The following PCCA variants were observed in gnomAD, a reference collection of about 807,000 sequenced individuals.
PCCA encodes the protein propionyl-CoA carboxylase subunit alpha.
PCCA carries 74 observed loss-of-function variants against 101.3 expected under a neutral mutation model. The observed-to-expected ratio is 0.73, with a 90% CI of 0.61 to 0.89. PCCA has a LOEUF of 0.89. Ranked by LOEUF, PCCA falls within the 40% of genes least tolerant of loss-of-function variation. The pLI, the probability that PCCA is intolerant of heterozygous loss-of-function variation, is 0.00. For missense variants in PCCA, 891 were observed against 907.0 expected, an observed-to-expected ratio of 0.98 and a Z score of 0.23; for synonymous variants, 294 against 313.6, an observed-to-expected ratio of 0.94 and a Z score of 0.66.
chr13:100,298,954 G>A (rs2065849851), intron 12 of PCCA, among the ~76,000 whole-genome samples: 1 of 151,648 alleles, frequency 6.6e-6, no homozygotes, highest in African/African-American at 2.4e-5. Flanking sequence ...GGAATCCTAT[G>A]TATTTAGAAG....
intron 7 of PCCA, among the ~76,000 whole-genome samples, chr13:100,209,823 G>A (rs894396752): frequency 9.2e-5 from 14 of 152,060 alleles, no homozygotes; most frequent in African/African-American, 3.4e-4. Flanking sequence ...GTAGAGACAG[G>A]GTTTCACCAT....
chr13:100,254,700 G>C (rs2061967084), intron 8 of PCCA, among the ~76,000 whole-genome samples: 1 of 152,148 alleles, frequency 6.6e-6, no homozygotes. Context: ...GACAGCATAT[G>C]TACTGCCTGA....
chr13:100,262,050 T>C (rs552739964), intron 9 of PCCA, among the ~76,000 whole-genome samples: 1 of 152,272 alleles, frequency 6.6e-6, no homozygotes, highest in East Asian at 1.9e-4. Flanking sequence ...AGGTATATTA[T>C]GGTTGAAGAA....
chr13:100,450,155 C>T (rs1367018003), intron 21 of PCCA, among the ~76,000 whole-genome samples: 1 of 152,122 alleles, frequency 6.6e-6, no homozygotes, highest in Admixed American at 6.5e-5. Flanking sequence ...GAGGCTGAGG[C>T]AGGTGGATTC....
At chr13:100,188,334 A>AAAC (rs1555372004) in intron 6 of PCCA, among the ~76,000 whole-genome samples, 14 of 124,040 alleles carry the variant, frequency 1.1e-4, no homozygotes, top group Non-Finnish European at 2.2e-4. Context: ...CAAAAACACA[A>AAAC]AGAAAGAAAG....
At chr13:100,240,733 T>C (rs2061074500) in intron 8 of PCCA, among the ~76,000 whole-genome samples, 1 of 152,212 alleles carries the variant, frequency 6.6e-6, no homozygotes, top group Non-Finnish European at 1.5e-5. Flanking sequence ...TTACCACTTA[T>C]CTGTTCATAT....
At position 100,246,126 on chromosome 13, in the gene PCCA, A is replaced by G. The variant is rs531652685; in HGVS notation, c.637+10248A>G. Among the ~76,000 whole-genome samples, 8 of 152,324 alleles carry G rather than the reference A, an allele frequency of 5.3e-5. No homozygotes were observed. In the South Asian group the frequency reaches 1.7e-3, roughly 32 times the overall value. ...GGAAGGGGCATGACCTTAGGCAGAAAGCCGAGGACAAGTCAGCTTTTGGTT... is the reference window on the plus strand; with the variant it reads ...GGAAGGGGCATGACCTTAGGCAGAAGGCCGAGGACAAGTCAGCTTTTGGTT... On this transcript the variant is annotated intron_variant, in intron 8 of 23. Coordinates refer to ENST00000376285, the MANE Select transcript of PCCA (RefSeq NM_000282.4).
At chr13:100,352,727 G>T (rs2073429989) in intron 18 of PCCA, among the ~76,000 whole-genome samples, 1 of 151,714 alleles carries the variant, frequency 6.6e-6, no homozygotes. Flanking sequence ...CCAGAGACAG[G>T]GTCTTGCTCT....
intron 18 of PCCA, among the ~76,000 whole-genome samples, chr13:100,349,515 G>C (rs972614913): frequency 6.6e-6 from 1 of 151,488 alleles, no homozygotes; most frequent in Non-Finnish European, 1.5e-5. Flanking sequence ...CACCTGCTTT[G>C]GCCTCCCAAA....
chr13:100,216,101 C>T (rs1170862047), intron 7 of PCCA, among the ~76,000 whole-genome samples: 1 of 151,832 alleles, frequency 6.6e-6, no homozygotes, highest in Non-Finnish European at 1.5e-5. Context: ...TCTCCTTCCC[C>T]TTTCCCTTCC....
intron 12 of PCCA, among the ~76,000 whole-genome samples, chr13:100,276,449 T>C (rs2063678495): frequency 6.6e-6 from 1 of 152,168 alleles, no homozygotes; most frequent in Non-Finnish European, 1.5e-5. Flanking sequence ...ATGGAATTCA[T>C]TGAATATTTT....
chr13:100,121,769 C>T lies in PCCA; in HGVS notation c.300+9708C>T, dbSNP rs370323145. Among the ~76,000 whole-genome samples the T allele has an allele frequency of 3.0e-4, 45 of 152,234 alleles. No individual in the cohort carries two copies. The East Asian group carries it at 3.9e-3, about 13-fold the overall frequency. On this transcript the variant is annotated intron_variant, in intron 4 of 23. Coordinates refer to ENST00000376285, the MANE Select transcript of PCCA (RefSeq NM_000282.4). ...GATTACAGGCATGAGCTACTGTGCC[C>T]GGCCAGGATTCTTTATATAAGATCA...
chr13:100,337,144 T>C lies in PCCA; in HGVS notation c.1541-3013T>C, dbSNP rs76001430. On this transcript the variant is annotated intron_variant, in intron 17 of 23. Coordinates refer to ENST00000376285, the MANE Select transcript of PCCA (RefSeq NM_000282.4). ...ACCGCGCCCCCAAGTTTTAGGTGTG[T>C]AGGATTCATCAGTAAACAGAAAAAG... Among the ~76,000 whole-genome samples the C allele has an allele frequency of 6.1e-3, 934 of 152,246 alleles. 12 individuals are homozygous for C. Among genetic ancestry groups the C allele is most frequent in the African/African-American group, 0.014 (567 of 41,544 alleles).
intron 1 of PCCA, among the ~76,000 whole-genome samples, chr13:100,102,131 T>C (rs2047339573): frequency 6.6e-6 from 1 of 152,046 alleles, no homozygotes; most frequent in Non-Finnish European, 1.5e-5. Context: ...TCTATCTCTT[T>C]TCTTTTTCTC....
chr13:100,108,377 C>T (rs12430759), intron 2 of PCCA, among the ~76,000 whole-genome samples: 10,573 of 152,192 alleles, frequency 0.069, 516 homozygotes, highest in Non-Finnish European at 0.11. Context: ...TGAGTGTCTT[C>T]AGGGTGCCTT....
chr13:100,189,830 T>C (rs1172197522), intron 6 of PCCA, among the ~76,000 whole-genome samples: 2 of 152,218 alleles, frequency 1.3e-5, no homozygotes, highest in Non-Finnish European at 2.9e-5. Context: ...TTTAAATCCA[T>C]AAAATCACAC....
intron 6 of PCCA, among the ~76,000 whole-genome samples, chr13:100,178,702 T>G (rs1025267092): frequency 4.6e-5 from 7 of 152,076 alleles, no homozygotes; most frequent in African/African-American, 1.7e-4. Flanking sequence ...GTAATATTTT[T>G]CTTTCTTTGA....
chr13:100,239,617 A>G (rs548831070), intron 8 of PCCA, among the ~76,000 whole-genome samples: 12 of 152,162 alleles, frequency 7.9e-5, no homozygotes, highest in Non-Finnish European at 1.3e-4. Context: ...CTTTAACCTC[A>G]ATGATAGACA....
At chr13:100,194,017 G>C (rs1190410995) in intron 6 of PCCA, among the ~76,000 whole-genome samples, 1 of 151,736 alleles carries the variant, frequency 6.6e-6, no homozygotes, top group Non-Finnish European at 1.5e-5. Context: ...CATGCAGTGA[G>C]CCGAGATTGT....
Sources: gnomAD v4.1 joint callset for allele counts (sites outside exome capture counted in the v4.1 genomes callset) on GRCh38, gnomAD v4.1.1 for gene constraint, MANE v1.5 for transcripts, NCBI Gene and HGNC (gene_info 2026-07-23, HGNC 2026-07-21) for gene names.